The following FAM193A variants were observed in gnomAD, a reference collection of about 807,000 sequenced individuals.
FAM193A encodes the protein family with sequence similarity 193 member A, also known as protein FAM193A.
FAM193A carries 22 observed loss-of-function variants against 126.5 expected under a neutral mutation model. That is an observed-to-expected ratio of 0.17 (90% confidence interval 0.12 to 0.25). FAM193A has a LOEUF of 0.25. Among genes scored for constraint, FAM193A ranks in the 10% least tolerant of loss-of-function variants. FAM193A has a pLI of 1.00. For synonymous variants in FAM193A, 761 were observed against 646.8 expected (o/e 1.18, Z -2.68); for missense variants, 1,675 against 1,672.8 (o/e 1.00, Z -0.02).
intron 2 of FAM193A, among the ~76,000 whole-genome samples, chr4:2,608,464 C>T (rs537040764): frequency 2.0e-5 from 3 of 152,146 alleles, no homozygotes; most frequent in African/African-American, 7.2e-5. Context: ...CTGCCTGCCA[C>T]GGCCTCCCAA....
At chr4:2,652,176 A>C (rs894154262) in intron 7 of FAM193A, among the ~76,000 whole-genome samples, 2 of 152,172 alleles carry the variant, frequency 1.3e-5, no homozygotes, top group Non-Finnish European at 2.9e-5. Flanking sequence ...GTCTAAGTGC[A>C]AATCAGCCTT....
chr4:2,695,205 A>ATTC, intron 17 of FAM193A, 76 bp downstream of exon 17: 2 of 1,318,794 alleles, frequency 1.5e-6, no homozygotes, highest in Non-Finnish European at 2.0e-6. Flanking sequence ...ATTCTGTACT[A>ATTC]GGTTGAATTC....
chr4:2,620,595 C>CCAG (rs1361590209), intron 2 of FAM193A, among the ~76,000 whole-genome samples: 1 of 151,986 alleles, frequency 6.6e-6, no homozygotes, highest in Non-Finnish European at 1.5e-5. Context: ...TGCCTGTAAT[C>CCAG]CAGCACTCTG....
At chr4:2,541,534 C>T (rs1438127083) in intron 1 of FAM193A, among the ~76,000 whole-genome samples, 2 of 151,128 alleles carry the variant, frequency 1.3e-5, no homozygotes, top group African/African-American at 2.4e-5. Flanking sequence ...CAACCTCCAC[C>T]TCCTGGGTTC....
At chr4:2,601,296 G>A (rs960169708) in intron 2 of FAM193A, among the ~76,000 whole-genome samples, 5 of 142,632 alleles carry the variant, frequency 3.5e-5, no homozygotes, top group East Asian at 2.1e-4. Context: ...GCAGTGGTGC[G>A]ATCTCAGCTT....
intron 2 of FAM193A, among the ~76,000 whole-genome samples, chr4:2,613,378 CTT>C (rs552205895): frequency 2.0e-4 from 24 of 120,714 alleles, no homozygotes; most frequent in Non-Finnish European, 2.5e-4. Flanking sequence ...AGAAATTCAG[CTT>C]TTTTTTTTTT....
chr4:2,677,955 TTA>T (rs1714620011), intron 13 of FAM193A, among the ~76,000 whole-genome samples: 1 of 152,118 alleles, frequency 6.6e-6, no homozygotes, highest in Non-Finnish European at 1.5e-5. Flanking sequence ...TTTCATTTAT[TTA>T]TGTTTTTTTA....
At chr4:2,649,814 T>C (rs943572716) in intron 7 of FAM193A, among the ~76,000 whole-genome samples, 2 of 152,204 alleles carry the variant, frequency 1.3e-5, no homozygotes, top group African/African-American at 4.8e-5. Context: ...CATGGCCTGT[T>C]AGGAACCAGG....
At chr4:2,671,585 G>T (rs147195369) in intron 12 of FAM193A, among the ~76,000 whole-genome samples, 6 of 152,170 alleles carry the variant, frequency 3.9e-5, no homozygotes, top group Non-Finnish European at 7.4e-5. Context: ...TAAATGTGTC[G>T]CGGTATTTTC....
At chr4:2,576,224 A>G (rs527448881) in intron 1 of FAM193A, among the ~76,000 whole-genome samples, 9 of 152,206 alleles carry the variant, frequency 5.9e-5, no homozygotes, top group African/African-American at 2.2e-4. Context: ...CAGCCTCCCA[A>G]GTAGCTGGGA....
intron 17 of FAM193A, 76 bp from the exon 18 acceptor site, chr4:2,696,287 T>A (rs573756628): frequency 2.1e-6 from 2 of 937,538 alleles, no homozygotes; most frequent in African/African-American, 3.3e-5. Flanking sequence ...AAACAGTTTA[T>A]TTTTGGAGGT....
Position 2,619,193 on chromosome 4 carries a change from G to A in FAM193A, c.502-6069G>A, listed in dbSNP as rs564559137. On this transcript the variant is annotated intron_variant, in intron 2 of 20. Transcript: ENST00000637812. Reference sequence around the variant, plus strand: ...GACATCTTCAGTTTCTCTTCCCATCGTGTTTATTTTTCCTCTGTTTCTTGA... The same window carrying A: ...GACATCTTCAGTTTCTCTTCCCATCATGTTTATTTTTCCTCTGTTTCTTGA... Among the ~76,000 whole-genome samples the A allele has an allele frequency of 4.6e-5, 7 of 152,108 alleles. No homozygotes were observed. The East Asian group carries it at 1.2e-3, about 25-fold the overall frequency.
At chr4:2,650,457 CG>C (rs1560521993) in intron 7 of FAM193A, among the ~76,000 whole-genome samples, 1 of 152,138 alleles carries the variant, frequency 6.6e-6, no homozygotes. Flanking sequence ...CTCTCGTCAC[CG>C]GGGCTCAAGG....
At chr4:2,725,945 C>T (rs1720697929) in intron 20 of FAM193A, among the ~76,000 whole-genome samples, 1 of 151,944 alleles carries the variant, frequency 6.6e-6, no homozygotes, top group Admixed American at 6.6e-5. Context: ...GGCGCCCAGG[C>T]TGGAGTGCAG....
intron 7 of FAM193A, among the ~76,000 whole-genome samples, chr4:2,653,629 A>G (rs769471488): frequency 3.2e-4 from 49 of 152,074 alleles, no homozygotes; most frequent in Non-Finnish European, 5.7e-4. Flanking sequence ...TTTGTAGTAG[A>G]GACAAGGTTT....
chr4:2,606,397 A>G (rs1741554447), intron 2 of FAM193A, among the ~76,000 whole-genome samples: 1 of 152,202 alleles, frequency 6.6e-6, no homozygotes, highest in African/African-American at 2.4e-5. Context: ...CTGGTTTCTT[A>G]TATCTGCCTC....
chr4:2,678,360 G>GTGTTT (rs766504170), intron 13 of FAM193A, among the ~76,000 whole-genome samples: 1 of 120,162 alleles, frequency 8.3e-6, no homozygotes, highest in African/African-American at 3.2e-5. Flanking sequence ...GGTTTTGGTG[G>GTGTTT]TTTTTTTTTT....
intron 20 of FAM193A, among the ~76,000 whole-genome samples, chr4:2,729,380 T>G (rs1247708182): frequency 6.6e-6 from 1 of 152,046 alleles, no homozygotes; most frequent in African/African-American, 2.4e-5. Context: ...AGGGAGGAAT[T>G]GGGAGAAGGG....
chr4:2,635,473 A>G (rs927145285), intron 5 of FAM193A, among the ~76,000 whole-genome samples: 2 of 152,242 alleles, frequency 1.3e-5, no homozygotes, highest in African/African-American at 2.4e-5. Context: ...ATATTTTAAC[A>G]TATATTAGAG....
Sources: allele counts gnomAD v4.1 joint callset (sites outside exome capture counted in the v4.1 genomes callset), GRCh38; gene constraint gnomAD v4.1.1; transcripts MANE v1.5; gene names NCBI Gene and HGNC (gene_info 2026-07-23, HGNC 2026-07-21).